The following NCEH1 variants were observed in gnomAD, a reference collection of about 807,000 sequenced individuals.
NCEH1 encodes 2-acetyl MAGE hydrolase.
NCEH1 carries 9 observed loss-of-function variants against 25.4 expected under a neutral mutation model. That is an observed-to-expected ratio of 0.35 (90% confidence interval 0.21 to 0.62). The LOEUF (loss-of-function observed/expected upper bound fraction) is 0.62, where lower values mean the gene tolerates loss of function less well. NCEH1 is among the 20% of genes least tolerant of loss of function. The pLI is 0.72. For synonymous variants in NCEH1, 200 were observed against 199.8 expected, an observed-to-expected ratio of 1.00 and a Z score of -0.01; for missense variants, 412 against 501.1, an observed-to-expected ratio of 0.82 and a Z score of 1.70.
intron 1 of NCEH1, among the ~76,000 whole-genome samples, chr3:172,710,011 T>C (rs1171322867): frequency 6.6e-6 from 1 of 152,128 alleles, no homozygotes. Context: ...CCTCTTACCA[T>C]GGAATAAACC....
At chr3:172,706,175 A>G (rs1374580801) in intron 1 of NCEH1, among the ~76,000 whole-genome samples, 6 of 152,116 alleles carry the variant, frequency 3.9e-5, no homozygotes, top group Non-Finnish European at 5.9e-5. Flanking sequence ...CTGGATTAAA[A>G]AAAGCTTTAA....
chr3:172,701,622 T>G (rs1713694892), intron 1 of NCEH1, among the ~76,000 whole-genome samples: 1 of 146,666 alleles, frequency 6.8e-6, no homozygotes, highest in South Asian at 2.2e-4. Flanking sequence ...GCTAGTTTTT[T>G]TTTTTTTTTT....
At chr3:172,693,014 G>T (rs759089051) in intron 1 of NCEH1, among the ~76,000 whole-genome samples, 1 of 152,146 alleles carries the variant, frequency 6.6e-6, no homozygotes, top group Admixed American at 6.5e-5. Context: ...ACTTCCTCTG[G>T]GTTCCTCTGA....
chr3:172,687,109 C>T (rs541093930), intron 1 of NCEH1, among the ~76,000 whole-genome samples: 1 of 152,246 alleles, frequency 6.6e-6, no homozygotes, highest in East Asian at 1.9e-4. Context: ...ATAGCCTGTA[C>T]TCCTTTAATC....
chr3:172,630,554 TG>T lies in NCEH1; in HGVS notation c.*2920del, dbSNP rs1419725607. ...TGGAGTACTCCACTGGGCAGAAGAT[TG>T]GGAAAGAATTGTGGCTGGCAATTTG... On this transcript the variant is annotated 3_prime_UTR_variant, in exon 5 of 5. Transcript: ENST00000475381. The T allele has an allele frequency of 6.6e-6, 1 of 152,162 alleles. No homozygotes were observed. Among genetic ancestry groups the T allele is most frequent in the Non-Finnish European group, 1.5e-5 (1 of 68,038 alleles). 9.4% of individuals were successfully genotyped at this position (152,162 alleles called of 1,614,324 possible).
chr3:172,688,747 C>T (rs564906089), intron 1 of NCEH1, among the ~76,000 whole-genome samples: 2 of 152,214 alleles, frequency 1.3e-5, no homozygotes, highest in African/African-American at 2.4e-5. Context: ...AACAGTGTTA[C>T]GATAGGTGTC....
At chr3:172,653,715 TTTGTTG>T (rs200461753) in intron 1 of NCEH1, among the ~76,000 whole-genome samples, 3 of 107,848 alleles carry the variant, frequency 2.8e-5, no homozygotes, top group African/African-American at 1.1e-4. Flanking sequence ...GTGGTTTGTT[TTTGTTG>T]TTGTTGTTGT....
intron 4 of NCEH1, among the ~76,000 whole-genome samples, chr3:172,635,349 A>G (rs1159667272): frequency 1.3e-5 from 2 of 152,212 alleles, no homozygotes; most frequent in Non-Finnish European, 2.9e-5. Context: ...CAGGAAGAAA[A>G]TGTGCTTTTT....
At chr3:172,680,391 C>G (rs1383045156) in intron 1 of NCEH1, among the ~76,000 whole-genome samples, 1 of 152,140 alleles carries the variant, frequency 6.6e-6, no homozygotes, top group African/African-American at 2.4e-5. Flanking sequence ...CTCTGTGAAG[C>G]CCCCCTCCCC....
chr3:172,659,239 T>C (rs1027585226), intron 1 of NCEH1, among the ~76,000 whole-genome samples: 8 of 152,130 alleles, frequency 5.3e-5, no homozygotes, highest in African/African-American at 1.9e-4. Context: ...TGCAAAAGCT[T>C]TGAAAGATAA....
chr3:172,708,309 C>T lies in NCEH1; in HGVS notation c.138+2538G>A, dbSNP rs1455433466. ...GCTTTTGTAGTTGAGCCAATCAACT[C>T]AAACTAAAATTATCTGAGTAACGAG... is the stretch of plus-strand genomic sequence containing the variant. On this transcript the variant is annotated intron_variant, in intron 1 of 4. Coordinates refer to ENST00000475381, the MANE Select transcript of NCEH1 (RefSeq NM_020792.6). Among the ~76,000 whole-genome samples the T allele has an allele frequency of 3.9e-5, 6 of 152,364 alleles. No homozygotes were observed. In the Middle Eastern group the frequency reaches 0.014, roughly 345 times the overall value.
At chr3:172,708,665 G>C (rs1714140648) in intron 1 of NCEH1, among the ~76,000 whole-genome samples, 1 of 152,136 alleles carries the variant, frequency 6.6e-6, no homozygotes, top group Non-Finnish European at 1.5e-5. Context: ...CATGACACCA[G>C]GTAATTTAGT....
rs375874414 is a variant in NCEH1, at chr3:172,653,752, G to GTTTT, written c.139-5642_139-5639dup. ...GTTGTTCTGTTTTTTTTGTTTTTTT[G>GTTTT]TTTTTTTGTTTTTTTTTTTTTTTGA... On this transcript the variant is annotated intron_variant, in intron 1 of 4. Coordinates refer to ENST00000475381, the MANE Select transcript of NCEH1 (RefSeq NM_020792.6). Among the ~76,000 whole-genome samples the GTTTT allele has an allele frequency of 1.2e-3, 99 of 83,706 alleles. 1 individual carries two copies. The highest frequency in any genetic ancestry group is 1.4e-3 in the Non-Finnish European group (50 of 35,918). 54.9% of individuals were successfully genotyped at this position (83,706 alleles called of 152,430 possible).
chr3:172,699,028 G>A (rs1296775162), intron 1 of NCEH1, among the ~76,000 whole-genome samples: 2 of 152,172 alleles, frequency 1.3e-5, no homozygotes, highest in African/African-American at 4.8e-5. Context: ...TGATTTGGTG[G>A]GGAGCCTGTA....
intron 2 of NCEH1, among the ~76,000 whole-genome samples, chr3:172,646,317 T>C (rs746497732): frequency 1.3e-5 from 2 of 152,208 alleles, no homozygotes; most frequent in African/African-American, 4.8e-5. Context: ...ATAGAGCCAC[T>C]GTACTCTGGC....
At chr3:172,663,290 C>G (rs947427025) in intron 1 of NCEH1, among the ~76,000 whole-genome samples, 2 of 152,096 alleles carry the variant, frequency 1.3e-5, no homozygotes, top group African/African-American at 4.8e-5. Context: ...TTTCTTAATC[C>G]TGAGTTCTAA....
intron 1 of NCEH1, among the ~76,000 whole-genome samples, chr3:172,688,982 T>C (rs981123679): frequency 1.3e-5 from 2 of 152,214 alleles, no homozygotes; most frequent in African/African-American, 2.4e-5. Flanking sequence ...GGAATTCACA[T>C]ATGCGATCTA....
Position 172,633,348 on chromosome 3 carries a change from TAGAA to T in NCEH1, c.*123_*126del. 1.5e-5 allele frequency: 14 copies of T among 909,544 alleles called. No individual in the cohort carries two copies. Among genetic ancestry groups the T allele is most frequent in the Non-Finnish European group, 2.4e-5 (14 of 592,476 alleles). 56.3% of individuals were successfully genotyped at this position (909,544 alleles called of 1,614,324 possible). A position where few individuals can be genotyped will look rare whatever the true frequency, so the allele number is the denominator to read the frequency against. On this transcript the variant is annotated 3_prime_UTR_variant, in exon 5 of 5. Transcript: ENST00000475381. ...TATCATAAAGACTTCAGTTATGGAA[TAGAA>T]ATTCCATAACTCGCAAGTAGAGGGG...
At chr3:172,706,030 AAAC>A (rs1247358608) in intron 1 of NCEH1, among the ~76,000 whole-genome samples, 1 of 150,236 alleles carries the variant, frequency 6.7e-6, no homozygotes, top group African/African-American at 2.5e-5. Context: ...AAAAAAAAAA[AAAC>A]CCATGTCTTG....
Sources: gnomAD v4.1 joint callset for allele counts (sites outside exome capture counted in the v4.1 genomes callset) on GRCh38, gnomAD v4.1.1 for gene constraint, MANE v1.5 for transcripts, NCBI Gene and HGNC (gene_info 2026-07-23, HGNC 2026-07-21) for gene names.